ADCY10: variants seen among roughly 807,000 people sequenced by gnomAD.
ADCY10 encodes adenylate cyclase type 10.
A neutral mutation model predicts 183.3 loss-of-function variants in ADCY10; 156 were observed. The observed-to-expected ratio is 0.85, with a 90% CI of 0.75 to 0.97. ADCY10 has a LOEUF of 0.97. ADCY10 is among the 50% of genes least tolerant of loss of function. The pLI is 0.00. For synonymous variants in ADCY10, 645 were observed against 670.0 expected (o/e 0.96, Z 0.58); for missense variants, 1,745 against 1,934.3 (o/e 0.90, Z 1.84).
chr1:167,858,814 T>C (rs1018125063), intron 16 of ADCY10, among the ~76,000 whole-genome samples: 1 of 152,204 alleles, frequency 6.6e-6, no homozygotes, highest in African/African-American at 2.4e-5. Flanking sequence ...GATTTGCATA[T>C]ACTCTGAGAA....
chr1:167,820,100 ACAT>A (rs1339487701), intron 30 of ADCY10: 19 of 1,568,474 alleles, frequency 1.2e-5, no homozygotes, highest in Admixed American at 3.8e-5. Context: ...GGTTGTCCTG[ACAT>A]CAACGTTTCC....
intron 31 of ADCY10, among the ~76,000 whole-genome samples, chr1:167,815,152 A>C (rs965451808): frequency 3.3e-5 from 5 of 151,550 alleles, no homozygotes; most frequent in Non-Finnish European, 7.4e-5. Flanking sequence ...AAAATTAGAC[A>C]AAAAAAAACC....
intron 1 of ADCY10, 51 bp from the exon 2 acceptor site, chr1:167,905,249 T>C: frequency 6.2e-6 from 8 of 1,294,874 alleles, no homozygotes; most frequent in Non-Finnish European, 8.9e-6. Context: ...TTTGCTCATT[T>C]TCCTATTGCT....
At chr1:167,833,515 G>T (rs753336124) in intron 24 of ADCY10, among the ~76,000 whole-genome samples, 1 of 152,164 alleles carries the variant, frequency 6.6e-6, no homozygotes, top group African/African-American at 2.4e-5. Flanking sequence ...GGAGGTCAGG[G>T]CGGGCGGATC....
At chr1:167,847,025 A>C (rs779176551) in intron 19 of ADCY10, among the ~76,000 whole-genome samples, 1 of 151,572 alleles carries the variant, frequency 6.6e-6, no homozygotes, top group Non-Finnish European at 1.5e-5. Context: ...TCCTGGGTTC[A>C]AGAGATTCTC....
At chr1:167,847,674 G>A (rs938052593) in intron 19 of ADCY10, among the ~76,000 whole-genome samples, 4 of 152,038 alleles carry the variant, frequency 2.6e-5, no homozygotes, top group African/African-American at 7.2e-5. Context: ...CACCCGACTT[G>A]GCCTCCCAAA....
At chr1:167,855,848 C>A (rs1665848968) in intron 17 of ADCY10, among the ~76,000 whole-genome samples, 1 of 151,768 alleles carries the variant, frequency 6.6e-6, no homozygotes, top group South Asian at 2.1e-4. Flanking sequence ...CCCATCTCTA[C>A]AGAAATAAAA....
At chr1:167,821,775 A>C (rs2101858272) in intron 30 of ADCY10, among the ~76,000 whole-genome samples, 1 of 152,340 alleles carries the variant, frequency 6.6e-6, no homozygotes, top group East Asian at 1.9e-4. Flanking sequence ...CTGTATCACC[A>C]CAACATGATA....
At chr1:167,819,817 G>C in intron 30 of ADCY10, 2 of 601,454 alleles carry the variant, frequency 3.3e-6, no homozygotes, top group South Asian at 3.7e-5. Flanking sequence ...TGCCGGCCTC[G>C]GCCTCCCAAA....
intron 26 of ADCY10, among the ~76,000 whole-genome samples, chr1:167,826,049 G>A (rs1278748669): frequency 6.6e-6 from 1 of 152,196 alleles, no homozygotes; most frequent in Non-Finnish European, 1.5e-5. Flanking sequence ...TTTTAGAGTA[G>A]AGGCTTTTTT....
intron 27 of ADCY10, 38 bp downstream of exon 27, chr1:167,824,613 T>C: frequency 6.2e-7 from 1 of 1,613,846 alleles, no homozygotes; most frequent in Non-Finnish European, 8.5e-7. Flanking sequence ...GGGCATTCCT[T>C]GTATCCTCAT....
intron 26 of ADCY10, among the ~76,000 whole-genome samples, chr1:167,827,478 G>A (rs568837844): frequency 6.6e-6 from 1 of 150,884 alleles, no homozygotes; most frequent in Non-Finnish European, 1.5e-5. Flanking sequence ...CTGATTTAAT[G>A]TACTTTTATA....
intron 8 of ADCY10, among the ~76,000 whole-genome samples, chr1:167,883,917 C>T (rs759879744): frequency 1.2e-3 from 183 of 152,288 alleles, no homozygotes; most frequent in Middle Eastern, 3.4e-3. Flanking sequence ...AGGGAAATAA[C>T]TACTGTTCTT....
rs527241495 is a variant in ADCY10 at position 167,867,298 on chromosome 1, C to T, written c.1616+2959G>A. On this transcript the variant is annotated intron_variant, in intron 14 of 32. Transcript: ENST00000367851. ...CAGAAAAAGCCCTGCTCCAGTCACACCCGGAAGCTGACTGGTCCACGCACG... is the reference window on the plus strand; with the variant it reads ...CAGAAAAAGCCCTGCTCCAGTCACATCCGGAAGCTGACTGGTCCACGCACG... 7.2e-5 allele frequency among the ~76,000 whole-genome samples: 11 copies of T among 152,258 alleles called. No individual in the cohort carries two copies. The South Asian group carries it at 1.2e-3, about 17-fold the overall frequency.
Position 167,884,917 on chromosome 1 carries a change from C to T in ADCY10, c.829-1289G>A, listed in dbSNP as rs374109203. On this transcript the variant is annotated intron_variant, in intron 8 of 32. Coordinates refer to ENST00000367851, the MANE Select transcript of ADCY10 (RefSeq NM_018417.6). ...TTCACTGTGTTAGTCAGACTGGTCT[C>T]GAACTCCTGACCTCATGATCTGCCT... 1.2e-3 allele frequency among the ~76,000 whole-genome samples: 190 copies of T among 152,126 alleles called. 1 individual carries two copies. Among genetic ancestry groups the T allele is most frequent in the African/African-American group, 4.4e-3 (181 of 41,508 alleles).
At chr1:167,830,543 C>T (rs1232584932) in intron 25 of ADCY10, among the ~76,000 whole-genome samples, 1 of 152,118 alleles carries the variant, frequency 6.6e-6, no homozygotes, top group Non-Finnish European at 1.5e-5. Context: ...AGGCACACAC[C>T]ACCATGTCTG....
In ADCY10 at chr1:167,905,195, T is replaced by A; in HGVS notation, c.-55A>T. 6.3e-7 allele frequency: 1 copy of A among 1,597,134 alleles called. No individual in the cohort carries two copies. The highest frequency in any genetic ancestry group is 8.6e-7 in the Non-Finnish European group (1 of 1,164,870). ...TGACAGGAAGCAGTCTCCAAATAGG[T>A]CTTCTAAAAAGAAAATTGAAATAGA... On this transcript the variant is annotated 5_prime_UTR_variant, in exon 2 of 33. Transcript: ENST00000367851.
At chr1:167,883,791 T>A (rs1668034645) in intron 8 of ADCY10, among the ~76,000 whole-genome samples, 163 bp from the exon 9 acceptor site, 1 of 151,604 alleles carries the variant, frequency 6.6e-6, no homozygotes, top group Non-Finnish European at 1.5e-5. Flanking sequence ...CAGATGGAAA[T>A]ATAATCAAAA....
chr1:167,895,600 C>T (rs1571433483), intron 7 of ADCY10, among the ~76,000 whole-genome samples: 2 of 152,270 alleles, frequency 1.3e-5, no homozygotes, highest in African/African-American at 4.8e-5. Context: ...CAGTGGAAGT[C>T]GCCCATAGGT....
Sources: gnomAD v4.1 joint callset for allele counts (sites outside exome capture counted in the v4.1 genomes callset) on GRCh38, gnomAD v4.1.1 for gene constraint, MANE v1.5 for transcripts, NCBI Gene and HGNC (gene_info 2026-07-23, HGNC 2026-07-21) for gene names.